The following CIDEA variants were observed in gnomAD, a reference collection of about 807,000 sequenced individuals.
The protein encoded by CIDEA is cell death inducing DFFA like effector a, also known as lipid transferase CIDEA.
CIDEA carries 10 observed loss-of-function variants against 18.2 expected under a neutral mutation model. The ratio of observed to expected loss-of-function variants is 0.55; its 90% CI spans 0.34 to 0.93. CIDEA has a LOEUF of 0.93. Ranked by LOEUF, CIDEA falls within the 40% of genes least tolerant of loss-of-function variation. The pLI, the probability that CIDEA is intolerant of heterozygous loss-of-function variation, is 0.02. For missense variants in CIDEA, 309 were observed against 293.1 expected (o/e 1.05, Z -0.40); for synonymous variants, 128 against 124.8 (o/e 1.03, Z -0.17).
intron 3 of CIDEA, among the ~76,000 whole-genome samples, chr18:12,272,145 T>TGGG (rs1912554048): frequency 3.9e-4 from 1 of 2,542 alleles, no homozygotes; most frequent in East Asian, 0.031. Context: ...TTTGAGTGTG[T>TGGG]GTGTGGGGGG....
At chr18:12,269,988 G>T (rs974281559) in intron 3 of CIDEA, among the ~76,000 whole-genome samples, 1 of 152,148 alleles carries the variant, frequency 6.6e-6, no homozygotes. Context: ...ATAAGCCACC[G>T]TGCTTGGCCT....
chr18:12,270,665 C>CGACAG (rs912711746), intron 3 of CIDEA, among the ~76,000 whole-genome samples: 1 of 117,838 alleles, frequency 8.5e-6, no homozygotes, highest in African/African-American at 3.4e-5. Context: ...CCAGCCTGGG[C>CGACAG]GACAGAGCAA....
At chr18:12,272,301 C>T (rs1912573141) in intron 3 of CIDEA, among the ~76,000 whole-genome samples, 1 of 152,160 alleles carries the variant, frequency 6.6e-6, no homozygotes, top group South Asian at 2.1e-4. Flanking sequence ...CAACCTCTAC[C>T]TCCCAGGTTC....
At position 12,254,439 on chromosome 18, in the gene CIDEA, C is replaced by G. The variant is rs781340168; in HGVS notation, c.38+18C>G. ...CTCATCAGGCGAGTGCCCCGCGTCC[C>G]CCTGATTGCCGTGCGCTTCCAATCG... On this transcript the variant is annotated intron_variant, in intron 1 of 4. Coordinates refer to ENST00000320477, the MANE Select transcript of CIDEA (RefSeq NM_001279.4). The G allele has an allele frequency of 1.3e-6, 2 of 1,596,766 alleles. No homozygotes were observed. The highest frequency in any genetic ancestry group is 1.7e-6 in the Non-Finnish European group (2 of 1,175,030).
chr18:12,275,049 A>G (rs9303765), intron 4 of CIDEA, among the ~76,000 whole-genome samples: 117,042 of 152,236 alleles, frequency 0.77, 45,197 homozygotes, highest in East Asian at 0.87. Flanking sequence ...TTGGTCAGGC[A>G]TGGTGGCTCA....
chr18:12,271,775 G>A (rs906007108), intron 3 of CIDEA, among the ~76,000 whole-genome samples: 9 of 151,956 alleles, frequency 5.9e-5, no homozygotes, highest in Non-Finnish European at 7.4e-5. Context: ...GGCCTTTCTG[G>A]GCAAAACCAG....
At chr18:12,259,249 T>C (rs984082306) in intron 1 of CIDEA, among the ~76,000 whole-genome samples, 4 of 152,222 alleles carry the variant, frequency 2.6e-5, no homozygotes, top group African/African-American at 7.2e-5. Context: ...GTAGCAACTT[T>C]GTCTACCCAG....
In CIDEA at chr18:12,264,209, C is replaced by T; in HGVS notation, c.184-98C>T. On this transcript the variant is annotated intron_variant, in intron 2 of 4. Transcript: ENST00000320477. Reference sequence around the variant, plus strand: ...ACCATTAAAATTTTATCAGAATCAGCCCAACACTTTTGAAAACTGTAACTT... The same window carrying T: ...ACCATTAAAATTTTATCAGAATCAGTCCAACACTTTTGAAAACTGTAACTT... The T allele has an allele frequency of 5.1e-6, 6 of 1,187,776 alleles. No homozygotes were observed. The South Asian group carries it at 9.2e-5, about 18-fold the overall frequency. The allele number at this position is 1,187,776 out of a possible 1,614,324, so 73.6% of individuals were successfully genotyped here. A position where few individuals can be genotyped will look rare whatever the true frequency, so the allele number is the denominator to read the frequency against.
At chr18:12,274,657 G>A (rs1598783496) in intron 4 of CIDEA, among the ~76,000 whole-genome samples, 1 of 152,268 alleles carries the variant, frequency 6.6e-6, no homozygotes, top group Non-Finnish European at 1.5e-5. Context: ...TGAATCACAC[G>A]CCTTTGCATG....
chr18:12,268,370 G>A (rs1457685088), intron 3 of CIDEA, among the ~76,000 whole-genome samples: 3 of 136,402 alleles, frequency 2.2e-5, no homozygotes, highest in African/African-American at 5.8e-5. Context: ...ATGAGCCACC[G>A]CCCCCAGTGG....
chr18:12,256,006 G>C lies in CIDEA; in HGVS notation c.38+1585G>C, dbSNP rs546622669. On this transcript the variant is annotated intron_variant, in intron 1 of 4. Transcript: ENST00000320477. ...TTCTTTGAAATCTACCTGCTTCCAG[G>C]CTGAACTACTGTCATTCTGTGAAAT... Among the ~76,000 whole-genome samples the C allele has an allele frequency of 2.6e-5, 4 of 152,172 alleles. No homozygotes were observed. In the South Asian group the frequency reaches 8.3e-4, roughly 32 times the overall value.
chr18:12,261,463 G>GC (rs1912190050), intron 1 of CIDEA, among the ~76,000 whole-genome samples: 5 of 152,318 alleles, frequency 3.3e-5, no homozygotes, highest in Admixed American at 3.3e-4. Flanking sequence ...CAGGGTAACT[G>GC]TGTCTCCCCT....
chr18:12,276,040 C>G (rs1259613684), intron 4 of CIDEA, among the ~76,000 whole-genome samples: 2 of 138,874 alleles, frequency 1.4e-5, no homozygotes, highest in Admixed American at 8.0e-5. Flanking sequence ...GCTGCCCAGG[C>G]TGGAGGGCAG....
intron 3 of CIDEA, among the ~76,000 whole-genome samples, chr18:12,268,322 C>G (rs1470772311): frequency 6.8e-6 from 1 of 147,632 alleles, no homozygotes; most frequent in African/African-American, 2.5e-5. Context: ...TCAGGTGATC[C>G]ACCCACCTTG....
chr18:12,264,216 C>A, intron 2 of CIDEA, 91 bp from the exon 3 acceptor site: 1 of 1,281,352 alleles, frequency 7.8e-7, no homozygotes, highest in Non-Finnish European at 1.1e-6. Context: ...CAGCCCAACA[C>A]TTTTGAAAAC....
intron 1 of CIDEA, among the ~76,000 whole-genome samples, chr18:12,256,161 G>A (rs1206323249): frequency 6.6e-6 from 1 of 152,188 alleles, no homozygotes; most frequent in East Asian, 1.9e-4. Context: ...AATTCTTGTT[G>A]AAGGGAAAAC....
chr18:12,276,829 G>A (rs1037972596), intron 4 of CIDEA, among the ~76,000 whole-genome samples: 16 of 152,314 alleles, frequency 1.1e-4, no homozygotes, highest in African/African-American at 2.6e-4. Context: ...CAAGCAGGCC[G>A]CACTTCAGGT....
intron 3 of CIDEA, among the ~76,000 whole-genome samples, chr18:12,267,314 C>G (rs890332511): frequency 6.6e-6 from 1 of 152,150 alleles, no homozygotes; most frequent in Non-Finnish European, 1.5e-5. Flanking sequence ...ACACGTGTGC[C>G]CAGCACATAG....
chr18:12,275,406 T>C (rs79478753), intron 4 of CIDEA, among the ~76,000 whole-genome samples: 1,858 of 152,340 alleles, frequency 0.012, 41 homozygotes, highest in African/African-American at 0.041. Flanking sequence ...AAGCTCTTTA[T>C]GATTGCCAGG....
Sources: allele counts gnomAD v4.1 joint callset (sites outside exome capture counted in the v4.1 genomes callset), GRCh38; gene constraint gnomAD v4.1.1; transcripts MANE v1.5; gene names NCBI Gene and HGNC (gene_info 2026-07-23, HGNC 2026-07-21).